IRGM: variants seen among roughly 807,000 people sequenced by gnomAD.
IRGM encodes immunity related GTPase M, also known as immunity-related GTPase family M protein.
For synonymous variants in IRGM, 98 were observed against 80.6 expected (o/e 1.22, Z -1.16); for missense variants, 288 against 219.9 (o/e 1.31, Z -1.96).
chr5:150,885,356 C>T (rs1357841583), intron 3 of IRGM, among the ~76,000 whole-genome samples: 1 of 151,462 alleles, frequency 6.6e-6, no homozygotes, highest in African/African-American at 2.4e-5. Flanking sequence ...CATAATGCCT[C>T]CAGCTTTGTT....
chr5:150,898,151 T>G (rs752704683), intron 3 of IRGM: 1 of 1,613,394 alleles, frequency 6.2e-7, no homozygotes. Flanking sequence ...TTGTTCCAAC[T>G]TGGAGATGAC....
At chr5:150,898,704 T>A (rs1190143036) in intron 3 of IRGM, 6 of 818,868 alleles carry the variant, frequency 7.3e-6, no homozygotes, top group Non-Finnish European at 1.1e-5. Flanking sequence ...GCCAGGCATA[T>A]GAGGAGAAAA....
chr5:150,890,369 C>T (rs1754590556), intron 3 of IRGM, among the ~76,000 whole-genome samples: 1 of 151,068 alleles, frequency 6.6e-6, no homozygotes, highest in Non-Finnish European at 1.5e-5. Flanking sequence ...TGTCACTTCT[C>T]TCATTTCTGA....
At chr5:150,856,422 C>T (rs1176978705) in intron 1 of IRGM, among the ~76,000 whole-genome samples, 2 of 151,716 alleles carry the variant, frequency 1.3e-5, no homozygotes, top group Admixed American at 6.6e-5. Context: ...CAGAGCGAGA[C>T]GTTGTCTCAA....
At chr5:150,847,362 C>G (rs1480166306) in intron 1 of IRGM, 142 bp downstream of exon 1, 4 of 152,310 alleles carry the variant, frequency 2.6e-5, no homozygotes, top group Non-Finnish European at 5.9e-5. Context: ...TGTACTGAAA[C>G]TTGTGAAGGA....
chr5:150,856,503 T>C (rs1754052251), intron 1 of IRGM, among the ~76,000 whole-genome samples: 1 of 152,132 alleles, frequency 6.6e-6, no homozygotes, highest in Admixed American at 6.5e-5. Context: ...CTAAGGGTGA[T>C]TTTTAAACAT....
At chr5:150,865,133 T>G in intron 1 of IRGM, among the ~76,000 whole-genome samples, 1 of 152,252 alleles carries the variant, frequency 6.6e-6, no homozygotes, top group Non-Finnish European at 1.5e-5. Flanking sequence ...TAAATTTTTC[T>G]AAATATTTAC....
rs140598935 is a variant in IRGM at position 150,873,430 on chromosome 5, T to G, written c.159-4550T>G. On this transcript the variant is annotated intron_variant and NMD_transcript_variant, in intron 1 of 3. Transcript: ENST00000520549. ...CAACAATTTATGCTGTTAATCTTTC[T>G]CCCATCCTTCCCCAAGGAGACCTCT... 3.3e-4 allele frequency among the ~76,000 whole-genome samples: 51 copies of G among 152,292 alleles called. No homozygotes were observed. In the East Asian group the frequency reaches 9.9e-3, roughly 29 times the overall value.
Position 150,898,830 on chromosome 5 carries a change from A to G in IRGM, c.*141-1759A>G, listed in dbSNP as rs113871397. Among the ~76,000 whole-genome samples the G allele has an allele frequency of 3.2e-3, 481 of 152,182 alleles. 1 individual carries two copies. The highest frequency in any genetic ancestry group is 4.7e-3 in the Non-Finnish European group (319 of 68,006). The stretch of plus-strand genomic sequence containing the variant: ...TTATTGGATGAATCGTTTTGAAACA[A>G]TGAATAGTAAAGAGGAAAAGAATAA... On this transcript the variant is annotated intron_variant and NMD_transcript_variant, in intron 3 of 3. Coordinates refer to the IRGM transcript ENST00000520549.
chr5:150,887,748 C>G (rs557439236), intron 3 of IRGM, among the ~76,000 whole-genome samples: 39 of 151,862 alleles, frequency 2.6e-4, no homozygotes, highest in Non-Finnish European at 5.2e-4. Flanking sequence ...CAGTGGACCT[C>G]TCAGCTGAAA....
intron 3 of IRGM, chr5:150,898,106 GAT>G (rs1415946007): frequency 1.9e-6 from 3 of 1,613,456 alleles, no homozygotes; most frequent in Non-Finnish European, 2.5e-6. Flanking sequence ...GATCCAATTT[GAT>G]ATGTCTCCCT....
At position 150,872,778 on chromosome 5, in the gene IRGM, T is replaced by C. The variant is rs547341403; in HGVS notation, c.159-5202T>C. 3.3e-5 allele frequency among the ~76,000 whole-genome samples: 5 copies of C among 152,264 alleles called. No homozygotes were observed. In the East Asian group the frequency reaches 5.8e-4, roughly 18 times the overall value. On this transcript the variant is annotated intron_variant and NMD_transcript_variant, in intron 1 of 3. Coordinates refer to the IRGM transcript ENST00000520549. ...CTGTGGGTGAGCTGGAAATGCCTAATCTCCCTTGGTGTAATGTACAGGGAG... is the reference window on the plus strand; with the variant it reads ...CTGTGGGTGAGCTGGAAATGCCTAACCTCCCTTGGTGTAATGTACAGGGAG...
In IRGM at chr5:150,896,720, C is replaced by G. The variant is rs969362824; in HGVS notation, c.*141-3869C>G. ...GTATTGATATATCTGTTTCTATGCA[C>G]TCTTGAAATATTTTCCCCAGTGGAT... On this transcript the variant is annotated intron_variant and NMD_transcript_variant, in intron 3 of 3. Coordinates refer to the IRGM transcript ENST00000520549. 6.2e-7 allele frequency: 1 copy of G among 1,613,572 alleles called. No homozygotes were observed. Among genetic ancestry groups the G allele is most frequent in the East Asian group, 2.2e-5 (1 of 44,854 alleles).
At chr5:150,853,326 A>C (rs1386316633), downstream of IRGM, among the ~76,000 whole-genome samples, 2 of 152,088 alleles carry the variant, frequency 1.3e-5, no homozygotes, top group Non-Finnish European at 2.9e-5. Context: ...ATTTATTAAC[A>C]CTTGTTTTGT....
intron 1 of IRGM, among the ~76,000 whole-genome samples, chr5:150,865,899 G>A (rs1219855480): frequency 6.6e-6 from 1 of 152,052 alleles, no homozygotes; most frequent in African/African-American, 2.4e-5. Flanking sequence ...TGGGACCACA[G>A]GCACGCACCA....
intron 1 of IRGM, among the ~76,000 whole-genome samples, chr5:150,872,542 A>G (rs374378288): frequency 2.6e-5 from 4 of 152,346 alleles, no homozygotes; most frequent in African/African-American, 9.6e-5. Flanking sequence ...TTTCTAATTT[A>G]TATAAGCAGA....
intron 1 of IRGM, among the ~76,000 whole-genome samples, chr5:150,864,711 C>T (rs10078968): frequency 1.3e-5 from 2 of 152,064 alleles, no homozygotes; most frequent in Non-Finnish European, 2.9e-5. Flanking sequence ...GATTTTCCCC[C>T]GTCTGTCCAA....
At position 150,848,607 on chromosome 5, in the gene IRGM, C is replaced by T. The variant is rs1753924941; in HGVS notation, c.484C>T (p.Leu162=). 6.4e-7 allele frequency: 1 copy of T among 1,550,970 alleles called. No homozygotes were observed. The highest frequency in any genetic ancestry group is 8.7e-7 in the Non-Finnish European group (1 of 1,146,268). ...LSTGALPEVQ[L]LQIRENVLEN... is the part of the protein sequence containing the mutation. ...CACAGGTGCCCTCCCAGAAGTGCAG[C>T]TACTGCAGATCAGAGAAAATGTCCT... Residue 162 remains leucine (L), a synonymous_variant, in exon 2 of 2, where the codon CTA becomes TTA. Coordinates refer to ENST00000522154, the MANE Select transcript of IRGM (RefSeq NM_001145805.2).
chr5:150,895,986 A>G (rs921715774), intron 3 of IRGM: 6 of 1,613,526 alleles, frequency 3.7e-6, no homozygotes, highest in Non-Finnish European at 5.1e-6. Context: ...CTTCTCACAG[A>G]AGGCTTTCCC....
Sources: allele counts gnomAD v4.1 joint callset (sites outside exome capture counted in the v4.1 genomes callset), GRCh38; gene constraint gnomAD v4.1.1; transcripts MANE v1.5; gene names NCBI Gene and HGNC (gene_info 2026-07-23, HGNC 2026-07-21).